LIMK2: variants seen among roughly 807,000 people sequenced by gnomAD.
The protein encoded by LIMK2 is LIM domain kinase 2.
A neutral mutation model predicts 75.7 loss-of-function variants in LIMK2; 35 were observed. The ratio of observed to expected loss-of-function variants is 0.46; its 90% CI spans 0.35 to 0.61. The LOEUF is 0.61. Among genes scored for constraint, LIMK2 ranks in the 20% least tolerant of loss-of-function variants. The probability of loss-of-function intolerance (pLI) is 0.00; values close to 1 mark genes in which losing one functional copy is unlikely to be tolerated. For missense variants in LIMK2, 623 were observed against 831.0 expected, an observed-to-expected ratio of 0.75 and a Z score of 3.08; for synonymous variants, 301 against 319.2, an observed-to-expected ratio of 0.94 and a Z score of 0.61.
chr22:31,264,677 C>T (rs1333817609), intron 7 of LIMK2, among the ~76,000 whole-genome samples: 1 of 152,102 alleles, frequency 6.6e-6, no homozygotes, highest in African/African-American at 2.4e-5. Flanking sequence ...AATCCCAGCA[C>T]ATTGGGAGGC....
intron 11 of LIMK2, among the ~76,000 whole-genome samples, chr22:31,268,656 G>C (rs1220719447): frequency 6.6e-6 from 1 of 152,226 alleles, no homozygotes; most frequent in African/African-American, 2.4e-5. Context: ...TGGGAGGAAA[G>C]AGGAGAAAAT....
intron 2 of LIMK2, among the ~76,000 whole-genome samples, chr22:31,246,594 ACT>A (rs1372744808): frequency 6.6e-6 from 1 of 151,434 alleles, no homozygotes. Flanking sequence ...CAGGTTTGAA[ACT>A]CAGCCTCACA....
chr22:31,228,375 T>C (rs2048497212), intron 2 of LIMK2, among the ~76,000 whole-genome samples: 1 of 152,000 alleles, frequency 6.6e-6, no homozygotes, highest in African/African-American at 2.4e-5. Flanking sequence ...GCCGAGATTG[T>C]GCCATTACAG....
At chr22:31,242,913 G>T (rs1171030341) in intron 2 of LIMK2, among the ~76,000 whole-genome samples, 1 of 152,124 alleles carries the variant, frequency 6.6e-6, no homozygotes, top group Non-Finnish European at 1.5e-5. Context: ...GCTGGGAATT[G>T]CTGGGACATT....
rs989796836 is a variant in LIMK2 at position 31,279,071 on chromosome 22, C to T, written c.*630C>T. 1 of 152,222 alleles carries T rather than the reference C, an allele frequency of 6.6e-6. No homozygotes were observed. Among genetic ancestry groups the T allele is most frequent in the African/African-American group, 2.4e-5 (1 of 41,434 alleles). The allele number at this position is 152,222 out of a possible 1,614,324, so 9.4% of individuals were successfully genotyped here. On this transcript the variant is annotated 3_prime_UTR_variant, in exon 16 of 16. Coordinates refer to ENST00000331728, the MANE Select transcript of LIMK2 (RefSeq NM_005569.4). Reference sequence around the variant, plus strand: ...GCTTCTGTTTACCTGCTCACTGGCTCTAGCCAGCCCAGGGACCACATCAAT... The same window carrying T: ...GCTTCTGTTTACCTGCTCACTGGCTTTAGCCAGCCCAGGGACCACATCAAT...
chr22:31,224,856 G>A (rs1310322873), intron 1 of LIMK2, among the ~76,000 whole-genome samples: 1 of 152,200 alleles, frequency 6.6e-6, no homozygotes, highest in Non-Finnish European at 1.5e-5. Context: ...TAGAACAGGG[G>A]TCCCCAGCCC....
intron 2 of LIMK2, among the ~76,000 whole-genome samples, chr22:31,229,672 T>C (rs1309477044): frequency 2.6e-5 from 4 of 152,198 alleles, no homozygotes; most frequent in Admixed American, 6.5e-5. Context: ...TACCTTTGTT[T>C]TCCTAGTCAC....
chr22:31,231,223 T>G (rs542263814), intron 2 of LIMK2, among the ~76,000 whole-genome samples: 26 of 152,338 alleles, frequency 1.7e-4, no homozygotes, highest in African/African-American at 5.5e-4. Flanking sequence ...ACACTGGTAG[T>G]GTCAGATAAC....
chr22:31,225,931 G>C, intron 2 of LIMK2, 112 bp downstream of exon 2: 1 of 815,432 alleles, frequency 1.2e-6, no homozygotes, highest in Non-Finnish European at 2.0e-6. Flanking sequence ...TCAATCTTAG[G>C]GTGGGGAAAG....
At chr22:31,216,014 G>A (rs1304217353) in intron 1 of LIMK2, among the ~76,000 whole-genome samples, 2 of 152,216 alleles carry the variant, frequency 1.3e-5, no homozygotes, top group Non-Finnish European at 2.9e-5. Flanking sequence ...TGTAGTGTAT[G>A]TTCTGGTGGG....
intron 2 of LIMK2, among the ~76,000 whole-genome samples, chr22:31,226,837 T>C (rs2048484658): frequency 6.6e-6 from 1 of 152,186 alleles, no homozygotes; most frequent in Non-Finnish European, 1.5e-5. Context: ...CTCAAACTCC[T>C]GACCTCAGGT....
chr22:31,216,379 G>T (rs1458095734), intron 1 of LIMK2, among the ~76,000 whole-genome samples: 1 of 152,206 alleles, frequency 6.6e-6, no homozygotes, highest in Non-Finnish European at 1.5e-5. Context: ...TTCATAGGAA[G>T]TGGAAGGTAC....
chr22:31,257,785 C>T (rs778273120), intron 2 of LIMK2, among the ~76,000 whole-genome samples: 3 of 151,960 alleles, frequency 2.0e-5, no homozygotes, highest in East Asian at 1.9e-4. Flanking sequence ...TTATACTTAA[C>T]GTATTTTTGG....
chr22:31,225,806 G>A lies in LIMK2; in HGVS notation c.103G>A (p.Gly35Ser), dbSNP rs5997917. ...CAGGACTGTCAACGAAACCTGGCAC[G>A]GCTCTTGCTTCCGGTAGGTGGGCCT... ...WYRTVNETWH[G>S]SCFRCSECQD... Residue 35 changes from glycine to serine, a missense_variant, in exon 2 of 16, where the codon GGC becomes AGC. By Grantham distance (56) the Gly-to-Ser change is moderately conservative. Around this residue, in one of 3 missense-constraint regions of LIMK2, gnomAD observed 514 missense variants for 661.3 expected, o/e 0.78. Transcript: ENST00000331728. 0.13 allele frequency: 216,404 copies of A among 1,612,432 alleles called. 20,866 individuals carry two copies. Among genetic ancestry groups the A allele is most frequent in the African/African-American group, 0.5 (37,561 of 74,926 alleles).
rs530553008 is a variant in LIMK2 at position 31,271,166 on chromosome 22, C to T, written c.1348C>T (p.Arg450Trp). ...TTTGCACTCTATGTGCATCATCCACCGGGATCTGAACTCGCACAACTGCCT... is the reference window on the plus strand; with the variant it reads ...TTTGCACTCTATGTGCATCATCCACTGGGATCTGAACTCGCACAACTGCCT... ...AYLHSMCIIHRDLNSHNCLIK... is the reference protein window; with the variant it reads ...AYLHSMCIIHWDLNSHNCLIK... Residue 450 changes from arginine (R) to tryptophan (W), a missense_variant, in exon 12 of 16, where the codon CGG (arginine) becomes TGG (tryptophan). Coordinates refer to ENST00000331728, the MANE Select transcript of LIMK2 (RefSeq NM_005569.4). 4.3e-6 allele frequency: 7 copies of T among 1,614,074 alleles called. No individual in the cohort carries two copies. In the Admixed American group the frequency reaches 5.0e-5, roughly 12 times the overall value.
At position 31,266,065 on chromosome 22, in the gene LIMK2, T is replaced by A. The variant is rs142176216; in HGVS notation, c.974T>A (p.Ile325Asn). 6 of 1,614,094 alleles carry A rather than the reference T, an allele frequency of 3.7e-6. No homozygotes were observed. The African/African-American group carries it at 8.0e-5, about 22-fold the overall frequency. ...TGTTCCAGCAGCTATTCACAGCAGATCTTCCGGCCCTGTGACCTAATCCAT... is the reference window on the plus strand; with the variant it reads ...TGTTCCAGCAGCTATTCACAGCAGAACTTCCGGCCCTGTGACCTAATCCAT... ...LRCSSSYSQQ[I>N]FRPCDLIHGE... The change falls in exon 8 of 16, where the codon ATC becomes AAC. Residue 325 changes from isoleucine (I) to asparagine (N), a missense_variant. Physicochemically the swap from Ile to Asn is moderately radical, Grantham distance 149. This residue lies in a region of LIMK2 where 514 missense variants were observed against 661.3 expected (regional missense o/e 0.78). Coordinates refer to ENST00000331728, the MANE Select transcript of LIMK2 (RefSeq NM_005569.4).
chr22:31,265,226 C>T (rs1276334360), intron 7 of LIMK2, among the ~76,000 whole-genome samples: 3 of 121,934 alleles, frequency 2.5e-5, no homozygotes, highest in Non-Finnish European at 3.3e-5. Context: ...ATTAGCCGGG[C>T]GTGGTGGCGT....
At chr22:31,259,016 G>A (rs1316512129) in intron 3 of LIMK2, 105 bp from the exon 4 acceptor site, 16 of 665,276 alleles carry the variant, frequency 2.4e-5, no homozygotes, top group Non-Finnish European at 4.2e-5. Context: ...ATTTTGACGG[G>A]GGCCTTGCTT....
chr22:31,262,698 C>T lies in LIMK2; in HGVS notation c.761C>T (p.Ala254Val), dbSNP rs553589149. The change falls in exon 7 of 16, where the codon GCT becomes GTT. Residue 254 changes from alanine to valine, a missense_variant. Around this residue, in one of 3 missense-constraint regions of LIMK2, gnomAD observed 514 missense variants for 661.3 expected, o/e 0.78. Coordinates refer to ENST00000331728, the MANE Select transcript of LIMK2 (RefSeq NM_005569.4). The surrounding 1 kb of genome is among the most constrained non-coding windows in gnomAD (Gnocchi z 5.0). ...CAGCTGCGGCTGGAGGCCCGGCTCGCTCCTCACATGCAGAATGCCGGACAC... is the reference window on the plus strand; with the variant it reads ...CAGCTGCGGCTGGAGGCCCGGCTCGTTCCTCACATGCAGAATGCCGGACAC... Reference protein sequence around the residue: ...LDQLRLEARLAPHMQNAGHPH... With the variant: ...LDQLRLEARLVPHMQNAGHPH... 2.7e-5 allele frequency: 43 copies of T among 1,614,204 alleles called. No homozygotes were observed. In the Admixed American group the frequency reaches 6.3e-4, roughly 24 times the overall value.
Sources: gnomAD v4.1 joint callset for allele counts (sites outside exome capture counted in the v4.1 genomes callset) on GRCh38, gnomAD v4.1.1 for gene constraint, gnomAD v4.1.1 regional missense constraint, Gnocchi (gnomAD v3.1) non-coding constraint, MANE v1.5 for transcripts, NCBI Gene and HGNC (gene_info 2026-07-23, HGNC 2026-07-21) for gene names.